The following EMP2 variants were observed in gnomAD, a reference collection of about 807,000 sequenced individuals.
The protein encoded by EMP2 is epithelial membrane protein 2.
A neutral mutation model predicts 13.7 loss-of-function variants in EMP2; 19 were observed. The ratio of observed to expected loss-of-function variants is 1.38; its 90% CI spans 0.97 to 2.03. EMP2 has a LOEUF of 2.03. Among genes scored for constraint, EMP2 ranks in the 30% most tolerant of loss-of-function variants. EMP2 has a pLI of 0.00. For synonymous variants in EMP2, 97 were observed against 84.7 expected, an observed-to-expected ratio of 1.15 and a Z score of -0.80; for missense variants, 253 against 220.7, an observed-to-expected ratio of 1.15 and a Z score of -0.93.
At chr16:10,577,310 G>C (rs916021443) in intron 1 of EMP2, among the ~76,000 whole-genome samples, 6 of 152,138 alleles carry the variant, frequency 3.9e-5, no homozygotes, top group Admixed American at 1.3e-4. Context: ...AGCCGTGCAG[G>C]ACAGGTGCCC....
In EMP2 at chr16:10,578,434, G is replaced by C. The variant is rs528547976; in HGVS notation, c.-61+2115C>G. Among the ~76,000 whole-genome samples, 508 of 152,276 alleles carry C rather than the reference G, an allele frequency of 3.3e-3. 4 individuals are homozygous for C. Among genetic ancestry groups the C allele is most frequent in the Non-Finnish European group, 3.6e-3 (245 of 68,014 alleles). On this transcript the variant is annotated intron_variant, in intron 1 of 4. Transcript: ENST00000359543. ...GGGGTGAGGGTGGAGAAGCGGGGGC[G>C]GTTTGCTAAATGGATGTGCTCCATA...
intron 1 of EMP2, among the ~76,000 whole-genome samples, chr16:10,553,890 C>A (rs774733640): frequency 3.3e-5 from 5 of 152,190 alleles, no homozygotes; most frequent in Non-Finnish European, 5.9e-5. Context: ...ATAGTGAAGG[C>A]GTTGAAGCAA....
At chr16:10,546,242 G>A (rs926912407) in intron 2 of EMP2, 2 of 152,278 alleles carry the variant, frequency 1.3e-5, no homozygotes, top group South Asian at 4.2e-4. Flanking sequence ...CAGAGTTGGT[G>A]GCCACTCGTA....
intron 4 of EMP2, among the ~76,000 whole-genome samples, chr16:10,534,799 T>C (rs938492826): frequency 4.7e-4 from 71 of 152,168 alleles, no homozygotes; most frequent in Non-Finnish European, 1.5e-4. Context: ...GCTGTCCCAA[T>C]ATTTACAGAC....
intron 1 of EMP2, among the ~76,000 whole-genome samples, 173 bp from the exon 2 acceptor site, chr16:10,547,850 T>C (rs574613587): frequency 1.3e-3 from 190 of 151,996 alleles, no homozygotes; most frequent in African/African-American, 4.4e-3. Flanking sequence ...CCAGGCAACA[T>C]AGTAAGACAC....
chr16:10,529,628 G>A lies in EMP2; in HGVS notation c.*3277C>T, dbSNP rs1378101535. The A allele has an allele frequency of 1.3e-5, 2 of 152,084 alleles. No individual in the cohort carries two copies. The highest frequency in any genetic ancestry group is 4.8e-5 in the African/African-American group (2 of 41,406). The allele number at this position is 152,084 out of a possible 1,614,324, so 9.4% of individuals were successfully genotyped here. On this transcript the variant is annotated 3_prime_UTR_variant, in exon 5 of 5. Transcript: ENST00000359543. ...AAGGTGTTTTGTTTGTTTCCATCGT[G>A]ACTACCAGAAAATTATAGAAGGCCA...
chr16:10,571,941 G>A lies in EMP2; in HGVS notation c.-61+8608C>T, dbSNP rs866694561. Among the ~76,000 whole-genome samples the A allele has an allele frequency of 4.6e-5, 7 of 152,292 alleles. No homozygotes were observed. The South Asian group carries it at 6.2e-4, about 14-fold the overall frequency. On this transcript the variant is annotated intron_variant, in intron 1 of 4. Coordinates refer to ENST00000359543, the MANE Select transcript of EMP2 (RefSeq NM_001424.6). Reference sequence around the variant, plus strand: ...GCTGTCAGCCTCTCCTGGGCTCTAGGCCCTGGGCTTTAGGGCTCATGACCA... The same window carrying A: ...GCTGTCAGCCTCTCCTGGGCTCTAGACCCTGGGCTTTAGGGCTCATGACCA...
intron 3 of EMP2, among the ~76,000 whole-genome samples, chr16:10,540,953 T>TC (rs1567201895): frequency 1.3e-5 from 2 of 152,048 alleles, no homozygotes; most frequent in Non-Finnish European, 2.9e-5. Flanking sequence ...CCAGGTGTGG[T>TC]GGCACACACC....
At chr16:10,557,977 C>A (rs986309644) in intron 1 of EMP2, among the ~76,000 whole-genome samples, 1 of 149,540 alleles carries the variant, frequency 6.7e-6, no homozygotes, top group Non-Finnish European at 1.5e-5. Flanking sequence ...CTGTGGGTGG[C>A]GTTATGGAAA....
chr16:10,552,865 T>C (rs1005898600), intron 1 of EMP2, among the ~76,000 whole-genome samples: 1 of 152,138 alleles, frequency 6.6e-6, no homozygotes, highest in Non-Finnish European at 1.5e-5. Flanking sequence ...ATTTCAGACA[T>C]CAGGAACAAG....
chr16:10,540,208 T>C (rs1254200351), intron 3 of EMP2, among the ~76,000 whole-genome samples: 1 of 152,054 alleles, frequency 6.6e-6, no homozygotes, highest in Non-Finnish European at 1.5e-5. Flanking sequence ...CTTTGCTCAG[T>C]TTAAATTCCT....
intron 1 of EMP2, among the ~76,000 whole-genome samples, chr16:10,560,802 G>A (rs1323631580): frequency 2.0e-5 from 3 of 152,030 alleles, no homozygotes; most frequent in African/African-American, 4.8e-5. Context: ...AGTTCGGGAC[G>A]CCCCACAGTG....
intron 1 of EMP2, among the ~76,000 whole-genome samples, chr16:10,577,207 T>A (rs755814693): frequency 1.9e-4 from 29 of 152,206 alleles, no homozygotes; most frequent in Non-Finnish European, 4.3e-4. Context: ...AAGGTCCTTA[T>A]GCCCTGAAAT....
rs76466111 is a variant in EMP2, at chr16:10,574,553, T to C, written c.-61+5996A>G. The stretch of plus-strand genomic sequence containing the variant: ...GCTCGCAATCTCTGCCTTTTCTTTT[T>C]AAAAATTATACATTTTTTTTTTTGA... On this transcript the variant is annotated intron_variant, in intron 1 of 4. Transcript: ENST00000359543. Among the ~76,000 whole-genome samples the C allele has an allele frequency of 5.7e-3, 863 of 150,688 alleles. 8 individuals carry two copies. The highest frequency in any genetic ancestry group is 0.02 in the African/African-American group (809 of 40,062).
At chr16:10,573,655 T>G (rs2050962832) in intron 1 of EMP2, among the ~76,000 whole-genome samples, 3 of 152,162 alleles carry the variant, frequency 2.0e-5, no homozygotes. Context: ...GAAGATACTC[T>G]CTTGGTTACA....
At chr16:10,542,434 T>G (rs2050707281) in intron 3 of EMP2, among the ~76,000 whole-genome samples, 1 of 104,016 alleles carries the variant, frequency 9.6e-6, no homozygotes, top group African/African-American at 4.8e-5. Flanking sequence ...ACCAAAAAAC[T>G]AAACCCTCCC....
intron 4 of EMP2, among the ~76,000 whole-genome samples, chr16:10,537,445 AC>A (rs922274623): frequency 2.6e-5 from 4 of 151,822 alleles, no homozygotes; most frequent in South Asian, 2.1e-4. Context: ...TAGAACAAAG[AC>A]CCCAAATCCT....
In EMP2 at chr16:10,530,978, T is replaced by C. The variant is rs956198555; in HGVS notation, c.*1927A>G. The C allele has an allele frequency of 2.6e-5, 4 of 152,186 alleles. No homozygotes were observed. Among genetic ancestry groups the C allele is most frequent in the African/African-American group, 9.7e-5 (4 of 41,436 alleles). The allele number at this position is 152,186 out of a possible 1,614,324, so 9.4% of individuals were successfully genotyped here. On this transcript the variant is annotated 3_prime_UTR_variant, in exon 5 of 5. Transcript: ENST00000359543. Reference sequence around the variant, plus strand: ...CCATGCCACAGGCCTCGATTTTGAATCGTTTTATTTTTGAGACGGAGTCTC... The same window carrying C: ...CCATGCCACAGGCCTCGATTTTGAACCGTTTTATTTTTGAGACGGAGTCTC...
chr16:10,569,583 G>C (rs1270696084), intron 1 of EMP2, among the ~76,000 whole-genome samples: 2 of 152,082 alleles, frequency 1.3e-5, no homozygotes, highest in Non-Finnish European at 2.9e-5. Flanking sequence ...ACCTCCCAAA[G>C]TGCTGAGTTT....
Sources: gnomAD v4.1 joint callset for allele counts (sites outside exome capture counted in the v4.1 genomes callset) on GRCh38, gnomAD v4.1.1 for gene constraint, MANE v1.5 for transcripts, NCBI Gene and HGNC (gene_info 2026-07-23, HGNC 2026-07-21) for gene names.